Variants in TRIM51G observed in about 807,000 individuals in gnomAD.
The protein encoded by TRIM51G is tripartite motif-containing protein 51G.
chr11:48,977,228 A>G, the TRIM51G span: 1 of 835,992 alleles, frequency 1.2e-6, no homozygotes, highest in South Asian at 1.4e-5. Context: ...CCAAAAAAAT[A>G]CATAAGAATC....
chr11:48,976,375 G>T, the TRIM51G span, among the ~76,000 whole-genome samples: 1 of 152,034 alleles, frequency 6.6e-6, no homozygotes, highest in African/African-American at 2.4e-5. Flanking sequence ...ATTTTGGCAA[G>T]AATGGGAAGA....
the TRIM51G span, chr11:48,979,102 C>T: frequency 7.6e-6 from 6 of 790,778 alleles, no homozygotes; most frequent in East Asian, 1.5e-4. Flanking sequence ...CTCACATAAT[C>T]CTGCAGTGAC....
At chr11:48,978,377 A>C in the TRIM51G span, among the ~76,000 whole-genome samples, 1 of 152,098 alleles carries the variant, frequency 6.6e-6, no homozygotes, top group African/African-American at 2.4e-5. Flanking sequence ...TTCTTTTTAC[A>C]AGTGAAGGGA....
chr11:48,982,600 T>C, the TRIM51G span, among the ~76,000 whole-genome samples: 28,573 of 146,438 alleles, frequency 0.2, 3,003 homozygotes, highest in South Asian at 0.43. Context: ...AGTTTCCTCT[T>C]TTTCTCCTGA....
At chr11:48,977,050 C>G in the TRIM51G span, 1 of 765,402 alleles carries the variant, frequency 1.3e-6, no homozygotes, top group Non-Finnish European at 2.4e-6. Flanking sequence ...AGAAGTAATA[C>G]ATTGTGGGAA....
the TRIM51G span, chr11:48,978,832 T>A: frequency 2.2e-6 from 2 of 921,542 alleles, no homozygotes; most frequent in East Asian, 2.4e-5. Flanking sequence ...CCCATCCACT[T>A]GAATCTTCAA....
At chr11:48,977,345 T>A in the TRIM51G span, among the ~76,000 whole-genome samples, 2 of 152,208 alleles carry the variant, frequency 1.3e-5, no homozygotes, top group Non-Finnish European at 2.9e-5. Flanking sequence ...TCACAGTTCC[T>A]CATTTTCAAG....
chr11:48,980,432 T>G, the TRIM51G span, among the ~76,000 whole-genome samples: 1 of 152,134 alleles, frequency 6.6e-6, no homozygotes, highest in Non-Finnish European at 1.5e-5. Flanking sequence ...ATTAATTAGT[T>G]CTGATATTTA....
At chr11:48,979,409 G>A in the TRIM51G span, among the ~76,000 whole-genome samples, 150,079 of 152,280 alleles carry the variant, frequency 0.99, 74,014 homozygotes, top group Middle Eastern at 1. Context: ...ATCAAGTTAT[G>A]CTGACTAGGT....
At chr11:48,979,727 A>C in the TRIM51G span, among the ~76,000 whole-genome samples, 1 of 151,490 alleles carries the variant, frequency 6.6e-6, no homozygotes, top group African/African-American at 2.4e-5. Flanking sequence ...TATATTTCTC[A>C]AATATAGGTA....
chr11:48,976,754 A>T, the TRIM51G span, among the ~76,000 whole-genome samples: 998 of 152,288 alleles, frequency 6.6e-3, 8 homozygotes, highest in Non-Finnish European at 1.0e-2. Context: ...ACAGTAAAGC[A>T]ATGTAAAATT....
the TRIM51G span, among the ~76,000 whole-genome samples, chr11:48,976,300 A>T: frequency 6.6e-6 from 1 of 152,128 alleles, no homozygotes; most frequent in African/African-American, 2.4e-5. Context: ...TATGCCCTGA[A>T]TGCCCTTTAG....
the TRIM51G span, chr11:48,981,072 G>T: frequency 1.2e-6 from 1 of 814,738 alleles, no homozygotes; most frequent in Non-Finnish European, 2.0e-6. Context: ...ATATACGAAG[G>T]ACCCAAAATG....
the TRIM51G span, among the ~76,000 whole-genome samples, chr11:48,979,914 G>C: frequency 1.3e-5 from 2 of 151,514 alleles, no homozygotes; most frequent in Non-Finnish European, 2.9e-5. Flanking sequence ...CCTGATCAAG[G>C]TTTTGCTTCT....
At chr11:48,980,770 TG>T in the TRIM51G span, 1 of 368,924 alleles carries the variant, frequency 2.7e-6, no homozygotes, top group South Asian at 2.2e-5. Flanking sequence ...AAAATTAGGG[TG>T]TTTTTTTCTC....
At chr11:48,978,597 T>A in the TRIM51G span, among the ~76,000 whole-genome samples, 2 of 152,148 alleles carry the variant, frequency 1.3e-5, no homozygotes, top group Non-Finnish European at 2.9e-5. Context: ...ATCCTAAATA[T>A]ATCACTGACT....
At chr11:48,976,629 T>A in the TRIM51G span, among the ~76,000 whole-genome samples, 2 of 152,054 alleles carry the variant, frequency 1.3e-5, no homozygotes, top group African/African-American at 2.4e-5. Context: ...TTTTATATAT[T>A]AAGTCAAAAT....
the TRIM51G span, among the ~76,000 whole-genome samples, chr11:48,977,341 T>C: frequency 6.6e-6 from 1 of 152,274 alleles, no homozygotes; most frequent in East Asian, 1.9e-4. Context: ...TTATTCACAG[T>C]TCCTCATTTT....
the TRIM51G span, among the ~76,000 whole-genome samples, chr11:48,983,363 A>C: frequency 6.6e-6 from 1 of 151,692 alleles, no homozygotes; most frequent in South Asian, 2.1e-4. Flanking sequence ...CAGTAACTTA[A>C]AATCATGTCT....
Sources: allele counts gnomAD v4.1 joint callset (sites outside exome capture counted in the v4.1 genomes callset), GRCh38; gene constraint gnomAD v4.1.1; transcripts MANE v1.5; gene names NCBI Gene and HGNC (gene_info 2026-07-23, HGNC 2026-07-21).